ANKRD6: variants seen among roughly 807,000 people sequenced by gnomAD.
The protein encoded by ANKRD6 is ankyrin repeat domain-containing protein 6.
ANKRD6 carries 56 observed loss-of-function variants against 82.3 expected under a neutral mutation model. The observed-to-expected ratio is 0.68, with a 90% CI of 0.55 to 0.85. ANKRD6 has a LOEUF of 0.85. Among genes scored for constraint, ANKRD6 ranks in the 40% least tolerant of loss-of-function variants. The pLI is 0.00. For missense variants in ANKRD6, 852 were observed against 907.6 expected (o/e 0.94, Z 0.79); for synonymous variants, 347 against 352.1 (o/e 0.99, Z 0.16).
At chr6:89,554,003 C>G (rs916135800) in intron 1 of ANKRD6, among the ~76,000 whole-genome samples, 1 of 151,868 alleles carries the variant, frequency 6.6e-6, no homozygotes, top group African/African-American at 2.4e-5. Flanking sequence ...GGTTCTTGGC[C>G]CTAAAGATGG....
At chr6:89,605,909 G>T (rs192454016) in intron 4 of ANKRD6, 98 bp from the exon 5 acceptor site, 2 of 772,800 alleles carry the variant, frequency 2.6e-6, no homozygotes, top group African/African-American at 1.7e-5. Context: ...GAGAAAGGCC[G>T]TCTGGTGTTC....
chr6:89,434,758 A>G (rs561994099), intron 1 of ANKRD6, among the ~76,000 whole-genome samples: 92 of 152,302 alleles, frequency 6.0e-4, no homozygotes, highest in African/African-American at 2.2e-3. Flanking sequence ...AGGTGTGTCT[A>G]TACCGATACA....
At chr6:89,462,207 G>A (rs1562554808) in intron 1 of ANKRD6, among the ~76,000 whole-genome samples, 2 of 147,614 alleles carry the variant, frequency 1.4e-5, no homozygotes, top group South Asian at 4.3e-4. Flanking sequence ...ACTCCAGCCT[G>A]GGCAACAGAG....
intron 1 of ANKRD6, among the ~76,000 whole-genome samples, chr6:89,520,175 G>C (rs749903511): frequency 1.3e-5 from 2 of 152,100 alleles, no homozygotes. Context: ...TAAAGAGATG[G>C]GATCTCACCA....
At chr6:89,591,411 T>C (rs1794885708) in intron 2 of ANKRD6, among the ~76,000 whole-genome samples, 1 of 152,194 alleles carries the variant, frequency 6.6e-6, no homozygotes, top group South Asian at 2.1e-4. Context: ...CCAAACTTCT[T>C]ATTCGTTAAT....
intron 1 of ANKRD6, among the ~76,000 whole-genome samples, chr6:89,516,224 T>G (rs1313118908): frequency 6.6e-6 from 1 of 152,132 alleles, no homozygotes; most frequent in Non-Finnish European, 1.5e-5. Context: ...CTCCCCAGTG[T>G]GGATGGGGAT....
intron 2 of ANKRD6, among the ~76,000 whole-genome samples, chr6:89,584,080 T>G (rs1793191366): frequency 6.6e-6 from 1 of 152,218 alleles, no homozygotes; most frequent in African/African-American, 2.4e-5. Flanking sequence ...AAACATATAT[T>G]TAGTAGGTCC....
At chr6:89,462,387 A>T (rs1443948100) in intron 1 of ANKRD6, among the ~76,000 whole-genome samples, 1 of 152,076 alleles carries the variant, frequency 6.6e-6, no homozygotes. Flanking sequence ...TGAATAATAA[A>T]CAGTTTTTTC....
At chr6:89,507,354 G>A (rs1779995270) in intron 1 of ANKRD6, among the ~76,000 whole-genome samples, 1 of 152,216 alleles carries the variant, frequency 6.6e-6, no homozygotes, top group Admixed American at 6.5e-5. Flanking sequence ...AGGAGTGGAT[G>A]TTAAGTATAG....
chr6:89,615,113 A>G (rs958350647), intron 7 of ANKRD6, among the ~76,000 whole-genome samples: 12 of 152,108 alleles, frequency 7.9e-5, no homozygotes, highest in Admixed American at 2.0e-4. Flanking sequence ...ATTGACACCT[A>G]TGTGGTACAT....
At chr6:89,511,381 C>A (rs551493890) in intron 1 of ANKRD6, among the ~76,000 whole-genome samples, 1 of 152,306 alleles carries the variant, frequency 6.6e-6, no homozygotes, top group Admixed American at 6.5e-5. Context: ...GATTTTCTAC[C>A]CCTACCTGCA....
chr6:89,499,147 G>A (rs959561415), intron 1 of ANKRD6, among the ~76,000 whole-genome samples: 2 of 152,172 alleles, frequency 1.3e-5, no homozygotes, highest in African/African-American at 4.8e-5. Flanking sequence ...TCTGGACCTG[G>A]ATGTAACACC....
intron 2 of ANKRD6, 86 bp downstream of exon 2, chr6:89,567,182 C>T (rs1433506548): frequency 6.7e-7 from 1 of 1,490,116 alleles, no homozygotes; most frequent in East Asian, 2.5e-5. Flanking sequence ...GTGTTTGGTT[C>T]ACAGCTTTCA....
intron 15 of ANKRD6, 192 bp downstream of exon 15, chr6:89,629,430 C>G: frequency 1.4e-6 from 1 of 724,166 alleles, no homozygotes; most frequent in South Asian, 1.5e-5. Context: ...ATAAAGCACT[C>G]ATTTATGTGC....
At chr6:89,539,569 A>G (rs888982587) in intron 1 of ANKRD6, among the ~76,000 whole-genome samples, 2 of 152,078 alleles carry the variant, frequency 1.3e-5, no homozygotes, top group African/African-American at 4.8e-5. Context: ...ATATATATTT[A>G]TGAGGTACAT....
At chr6:89,511,146 C>T (rs1037040015) in intron 1 of ANKRD6, among the ~76,000 whole-genome samples, 1 of 152,180 alleles carries the variant, frequency 6.6e-6, no homozygotes, top group East Asian at 1.9e-4. Context: ...TACGAGTGGG[C>T]CCACCACAGC....
At chr6:89,582,972 C>T (rs1382597008) in intron 2 of ANKRD6, among the ~76,000 whole-genome samples, 1 of 152,202 alleles carries the variant, frequency 6.6e-6, no homozygotes, top group Non-Finnish European at 1.5e-5. Context: ...AGTCAGCTGT[C>T]CTTGGAGACA....
chr6:89,602,977 C>A, intron 3 of ANKRD6, 52 bp from the exon 4 acceptor site: 2 of 1,454,296 alleles, frequency 1.4e-6, no homozygotes, highest in Non-Finnish European at 9.4e-7. Context: ...GTAGTGCAAG[C>A]AGGGGGTGCA....
chr6:89,607,408 C>T (rs1368197451), intron 5 of ANKRD6, among the ~76,000 whole-genome samples: 4 of 151,950 alleles, frequency 2.6e-5, no homozygotes, highest in Non-Finnish European at 4.4e-5. Flanking sequence ...ATATTAAAAT[C>T]GTAGTTTTGA....
Sources: allele counts gnomAD v4.1 joint callset (sites outside exome capture counted in the v4.1 genomes callset), GRCh38; gene constraint gnomAD v4.1.1; transcripts MANE v1.5; gene names NCBI Gene and HGNC (gene_info 2026-07-23, HGNC 2026-07-21).